ERI1: variants seen among roughly 807,000 people sequenced by gnomAD.
ERI1 encodes the protein 3'-5' exoribonuclease 1.
Under a neutral mutation model 39.7 loss-of-function variants are expected in ERI1, and 39 were observed. That is an observed-to-expected ratio of 0.98 (90% CI 0.76 to 1.28). The LOEUF is 1.28. Ranked by LOEUF, ERI1 falls within the 50% of genes most tolerant of loss-of-function variation. The probability of loss-of-function intolerance (pLI) is 0.00; values close to 1 mark genes in which losing one functional copy is unlikely to be tolerated. For synonymous variants in ERI1, 204 were observed against 149.6 expected, an observed-to-expected ratio of 1.36 and a Z score of -2.65; for missense variants, 581 against 416.9, an observed-to-expected ratio of 1.39 and a Z score of -3.43.
chr8:9,027,940 TA>T (rs746817986), intron 6 of ERI1, among the ~76,000 whole-genome samples: 1 of 152,204 alleles, frequency 6.6e-6, no homozygotes, highest in Non-Finnish European at 1.5e-5. Context: ...TCATGGCACA[TA>T]ATTGTTTTAA....
At chr8:9,013,125 C>T (rs1816846863) in intron 3 of ERI1, among the ~76,000 whole-genome samples, 1 of 152,006 alleles carries the variant, frequency 6.6e-6, no homozygotes, top group African/African-American at 2.4e-5. Flanking sequence ...AGCAGCTCTC[C>T]TGCCTCAGCC....
intron 1 of ERI1, among the ~76,000 whole-genome samples, chr8:9,004,607 T>A (rs1169292239): frequency 6.7e-6 from 1 of 150,060 alleles, no homozygotes; most frequent in Non-Finnish European, 1.5e-5. Context: ...GAGGCTGCAG[T>A]GAGCTGTGAT....
chr8:9,006,979 A>G (rs1031201014), intron 1 of ERI1, among the ~76,000 whole-genome samples: 1 of 152,240 alleles, frequency 6.6e-6, no homozygotes, highest in Non-Finnish European at 1.5e-5. Context: ...AATGTGGTAC[A>G]TTATAACTAA....
intron 3 of ERI1, 98 bp downstream of exon 3, chr8:9,011,850 A>G: frequency 1.2e-6 from 1 of 827,658 alleles, no homozygotes; most frequent in Admixed American, 3.1e-5. Flanking sequence ...AGCCAGAATT[A>G]GACTTCTAAA....
chr8:9,053,524 G>C (rs772359892), intron 3 of ERI1, among the ~76,000 whole-genome samples: 2 of 152,136 alleles, frequency 1.3e-5, no homozygotes, highest in Non-Finnish European at 2.9e-5. Flanking sequence ...TTCTTGAGTC[G>C]TATCCTTTAT....
chr8:9,063,517 T>G (rs1400809981), intron 3 of ERI1, among the ~76,000 whole-genome samples: 1 of 151,938 alleles, frequency 6.6e-6, no homozygotes, highest in African/African-American at 2.4e-5. Context: ...TAGCTCGGCC[T>G]GGCAAGGAGG....
At chr8:9,040,574 C>T (rs1474529534) in intron 3 of ERI1, among the ~76,000 whole-genome samples, 1 of 152,098 alleles carries the variant, frequency 6.6e-6, no homozygotes, top group East Asian at 1.9e-4. Flanking sequence ...TTAGGTCATC[C>T]TGTAAAATTA....
chr8:9,008,190 C>G (rs769098223), intron 2 of ERI1, 42 bp downstream of exon 2: 2 of 1,410,448 alleles, frequency 1.4e-6, no homozygotes, highest in South Asian at 2.9e-5. Flanking sequence ...GTAGTACATG[C>G]TCATTTTAGA....
intron 3 of ERI1, among the ~76,000 whole-genome samples, chr8:9,065,860 A>G (rs531101801): frequency 4.6e-5 from 7 of 152,150 alleles, no homozygotes; most frequent in Admixed American, 4.6e-4. Context: ...TTGCAAACTC[A>G]TGTTGTGGTT....
chr8:9,070,383 G>A (rs1468581739), intron 3 of ERI1, among the ~76,000 whole-genome samples: 1 of 152,192 alleles, frequency 6.6e-6, no homozygotes, highest in Non-Finnish European at 1.5e-5. Flanking sequence ...AGCCCTTTGG[G>A]AGGCTGAGGC....
chr8:9,091,963 T>C (rs1799719607), intron 3 of ERI1, among the ~76,000 whole-genome samples: 1 of 152,184 alleles, frequency 6.6e-6, no homozygotes, highest in Non-Finnish European at 1.5e-5. Flanking sequence ...GTGTTTTTGT[T>C]GTTGTTGTTT....
intron 3 of ERI1, among the ~76,000 whole-genome samples, chr8:9,061,387 G>T (rs1018384641): frequency 6.6e-5 from 10 of 152,076 alleles, no homozygotes; most frequent in African/African-American, 2.2e-4. Context: ...TACAGCTGAA[G>T]GACCCGGGGA....
intron 3 of ERI1, among the ~76,000 whole-genome samples, chr8:9,038,419 C>T (rs530061657): frequency 6.6e-6 from 1 of 152,322 alleles, no homozygotes; most frequent in East Asian, 1.9e-4. Flanking sequence ...GCCTGAAAGT[C>T]ATTGATCATA....
intron 3 of ERI1, among the ~76,000 whole-genome samples, chr8:9,041,088 C>T (rs765853316): frequency 6.6e-6 from 1 of 152,190 alleles, no homozygotes; most frequent in African/African-American, 2.4e-5. Flanking sequence ...TGCACTTCTG[C>T]TCGCCTGCCT....
chr8:9,021,765 G>GTTTTTTTTT (rs1161148984), intron 6 of ERI1, among the ~76,000 whole-genome samples: 4 of 51,106 alleles, frequency 7.8e-5, no homozygotes, highest in African/African-American at 3.2e-4. Flanking sequence ...TATATTATTT[G>GTTTTTTTTT]TTTTTTTTGT....
chr8:9,042,897 T>A (rs1185631362), intron 3 of ERI1, among the ~76,000 whole-genome samples: 2 of 152,242 alleles, frequency 1.3e-5, no homozygotes, highest in Non-Finnish European at 2.9e-5. Flanking sequence ...CACGTGCACC[T>A]GCTTCAGTCA....
intron 1 of ERI1, among the ~76,000 whole-genome samples, chr8:9,004,483 T>A (rs1815743272): frequency 7.8e-6 from 1 of 128,164 alleles, no homozygotes; most frequent in Non-Finnish European, 1.6e-5. Flanking sequence ...TTTATAGTGA[T>A]ACTTTTTTTT....
At chr8:9,027,219 G>A (rs946746482) in intron 6 of ERI1, among the ~76,000 whole-genome samples, 8 of 151,240 alleles carry the variant, frequency 5.3e-5, no homozygotes, top group African/African-American at 1.9e-4. Context: ...ATCTCATTGT[G>A]GTTTTGATTT....
At chr8:9,024,537 C>G (rs113477696) in intron 6 of ERI1, among the ~76,000 whole-genome samples, 1 of 152,122 alleles carries the variant, frequency 6.6e-6, no homozygotes, top group Non-Finnish European at 1.5e-5. Flanking sequence ...TCTCCTGCCT[C>G]AGCGTCTCAA....
Sources: gnomAD v4.1 joint callset for allele counts (sites outside exome capture counted in the v4.1 genomes callset) on GRCh38, gnomAD v4.1.1 for gene constraint, MANE v1.5 for transcripts, NCBI Gene and HGNC (gene_info 2026-07-23, HGNC 2026-07-21) for gene names.